The following CAPZA2 variants were observed in gnomAD, a reference collection of about 807,000 sequenced individuals.
The protein encoded by CAPZA2 is F-actin-capping protein subunit alpha-2.
CAPZA2 carries 13 observed loss-of-function variants against 44.0 expected under a neutral mutation model. The observed-to-expected ratio is 0.30, with a 90% CI of 0.19 to 0.47. The LOEUF is 0.47. CAPZA2 is among the 20% of genes least tolerant of loss of function. CAPZA2 has a pLI of 1.00. For missense variants in CAPZA2, 244 were observed against 338.6 expected, an observed-to-expected ratio of 0.72 and a Z score of 2.19; for synonymous variants, 94 against 108.2, an observed-to-expected ratio of 0.87 and a Z score of 0.81.
At chr7:116,882,635 A>G (rs930136698) in intron 1 of CAPZA2, among the ~76,000 whole-genome samples, 3 of 152,034 alleles carry the variant, frequency 2.0e-5, no homozygotes, top group African/African-American at 7.2e-5. Context: ...GAACACCCCA[A>G]TTTTATCTTC....
rs1423893441 is a variant in CAPZA2 at position 116,920,706 on chromosome 7, GA to G, written c.*2840del. On this transcript the variant is annotated 3_prime_UTR_variant, in exon 10 of 10. Transcript: ENST00000361183. ...AGTTAGATACAGGAGACAGGAACTA[GA>G]GGAAAGCTCTGGGCTAGAAGAATGG... The G allele has an allele frequency of 1.3e-5, 2 of 152,386 alleles. No homozygotes were observed. 9.4% of individuals were successfully genotyped at this position (152,386 alleles called of 1,614,324 possible).
At chr7:116,901,970 G>A (rs1331588647) in intron 4 of CAPZA2, among the ~76,000 whole-genome samples, 1 of 151,554 alleles carries the variant, frequency 6.6e-6, no homozygotes, top group Non-Finnish European at 1.5e-5. Context: ...CACAATGAGG[G>A]AGAATTGCCT....
chr7:116,911,108 C>T (rs1000500720), intron 7 of CAPZA2, among the ~76,000 whole-genome samples: 5 of 151,788 alleles, frequency 3.3e-5, no homozygotes, highest in African/African-American at 1.2e-4. Flanking sequence ...TTATTGTCAG[C>T]ATTATTCTTC....
At chr7:116,886,198 T>C (rs1562959139) in intron 1 of CAPZA2, 1 of 154,790 alleles carries the variant, frequency 6.5e-6, no homozygotes, top group Non-Finnish European at 1.5e-5. Flanking sequence ...GTTACTATTT[T>C]ATATGCACTT....
At chr7:116,885,761 C>G (rs934385912) in intron 1 of CAPZA2, among the ~76,000 whole-genome samples, 1 of 152,128 alleles carries the variant, frequency 6.6e-6, no homozygotes, top group Non-Finnish European at 1.5e-5. Flanking sequence ...GGATCAGAGC[C>G]TCCATGCTCT....
chr7:116,872,942 A>G (rs1796570799), intron 1 of CAPZA2, among the ~76,000 whole-genome samples: 1 of 152,160 alleles, frequency 6.6e-6, no homozygotes, highest in African/African-American at 2.4e-5. Flanking sequence ...TCTAAAACAT[A>G]GATTTCTAGG....
At chr7:116,890,349 A>T (rs1796814777) in intron 2 of CAPZA2, among the ~76,000 whole-genome samples, 1 of 151,102 alleles carries the variant, frequency 6.6e-6, no homozygotes, top group Admixed American at 6.6e-5. Context: ...GATTTATCTA[A>T]TAAATTTTAA....
chr7:116,880,076 G>A (rs765078888), intron 1 of CAPZA2: 31 of 469,512 alleles, frequency 6.6e-5, no homozygotes, highest in Non-Finnish European at 1.1e-4. Flanking sequence ...GACTAAGTCA[G>A]TGCTACACTT....
In CAPZA2 at chr7:116,919,862, C is replaced by CT. The variant is rs1791741294; in HGVS notation, c.*1996dup. The CT allele has an allele frequency of 6.7e-6, 1 of 148,640 alleles. No homozygotes were observed. The highest frequency in any genetic ancestry group is 2.5e-5 in the African/African-American group (1 of 40,470). 9.2% of individuals were successfully genotyped at this position (148,640 alleles called of 1,614,324 possible). A position where few individuals can be genotyped will look rare whatever the true frequency, so the allele number is the denominator to read the frequency against. Reference sequence around the variant, plus strand: ...CCTGGGTGACAGAGCAAGACTCTGTCTCAAAAAATAATAATAATAATAATA... The same window carrying CT: ...CCTGGGTGACAGAGCAAGACTCTGTCTTCAAAAAATAATAATAATAATAATA... On this transcript the variant is annotated 3_prime_UTR_variant, in exon 10 of 10. Transcript: ENST00000361183.
intron 6 of CAPZA2, 200 bp downstream of exon 6, chr7:116,906,542 C>T (rs1791515472): frequency 1.1e-6 from 1 of 889,970 alleles, no homozygotes; most frequent in East Asian, 3.1e-5. Context: ...AATCTGTTGA[C>T]ATTCAGTGGA....
At position 116,904,969 on chromosome 7, in the gene CAPZA2, T is replaced by TA. The variant is rs371485695; in HGVS notation, c.426+606dup. Among the ~76,000 whole-genome samples, 782 of 95,548 alleles carry TA rather than the reference T, an allele frequency of 8.2e-3. 15 individuals are homozygous for TA. The highest frequency in any genetic ancestry group is 0.042 in the East Asian group (127 of 3,000). The allele number at this position is 95,548 out of a possible 152,430, so 62.7% of individuals were successfully genotyped here. A position where few individuals can be genotyped will look rare whatever the true frequency, so the allele number is the denominator to read the frequency against. ...AGCATGGTGAAACCCTGTCTCTACT[T>TA]AAAAAAAAAAAAAAAAAAAACAATT... On this transcript the variant is annotated intron_variant, in intron 5 of 9. Transcript: ENST00000361183.
chr7:116,906,526 G>T (rs965908474), intron 6 of CAPZA2, 184 bp downstream of exon 6: 6 of 1,013,788 alleles, frequency 5.9e-6, no homozygotes, highest in Middle Eastern at 6.7e-4. Flanking sequence ...ACTAAAGGTA[G>T]TGGTAAATCT....
chr7:116,893,044 C>T lies in CAPZA2; in HGVS notation c.154C>T (p.His52Tyr). 6 of 1,589,736 alleles carry T rather than the reference C, an allele frequency of 3.8e-6. No homozygotes were observed. Among genetic ancestry groups the T allele is most frequent in the Non-Finnish European group, 5.2e-6 (6 of 1,162,998 alleles). ...CAATCTTCTCAGGGAAGGAGCAGCC[C>T]AGTAAGTATTATTTATCATACTAAC... is the stretch of plus-strand genomic sequence containing the variant. ...NDNLLREGAA[H>Y]AFAQYNLDQF... The change falls in exon 3 of 10, where the codon CAT becomes TAT. Residue 52 changes from histidine (H) to tyrosine (Y), a missense_variant and splice_region_variant. By Grantham distance (83) the His-to-Tyr change is moderately conservative. Coordinates refer to ENST00000361183, the MANE Select transcript of CAPZA2 (RefSeq NM_006136.3).
intron 5 of CAPZA2, 121 bp from the exon 6 acceptor site, chr7:116,906,142 A>G (rs1338957583): frequency 2.1e-6 from 3 of 1,405,194 alleles, no homozygotes; most frequent in African/African-American, 3.0e-5. Context: ...ATGATGGCCT[A>G]CTTTGTATTT....
chr7:116,885,717 A>G (rs1381198790), intron 1 of CAPZA2, among the ~76,000 whole-genome samples: 1 of 152,172 alleles, frequency 6.6e-6, no homozygotes, highest in Non-Finnish European at 1.5e-5. Context: ...AAGGATACAG[A>G]TGAAGAGATG....
intron 8 of CAPZA2, among the ~76,000 whole-genome samples, chr7:116,915,198 G>A (rs2115985399): frequency 6.6e-6 from 1 of 152,098 alleles, no homozygotes; most frequent in South Asian, 2.1e-4. Context: ...AGCTATTTGG[G>A]TGGCTGAGGC....
chr7:116,877,539 G>T (rs1057242448), intron 1 of CAPZA2, among the ~76,000 whole-genome samples: 1 of 152,200 alleles, frequency 6.6e-6, no homozygotes, highest in Admixed American at 6.5e-5. Flanking sequence ...GATTGCAAAG[G>T]TAGTAATAGC....
At chr7:116,906,197 G>T in intron 5 of CAPZA2, 66 bp from the exon 6 acceptor site, 1 of 1,571,146 alleles carries the variant, frequency 6.4e-7, no homozygotes, top group Non-Finnish European at 8.6e-7. Flanking sequence ...GTATTTTATA[G>T]ATTTTTAAAG....
intron 1 of CAPZA2, among the ~76,000 whole-genome samples, chr7:116,863,228 C>T (rs1796441078): frequency 6.6e-6 from 1 of 152,194 alleles, no homozygotes; most frequent in Admixed American, 6.5e-5. Context: ...TCCCTTTCCC[C>T]ATGGAGGCAT....
Sources: allele counts gnomAD v4.1 joint callset (sites outside exome capture counted in the v4.1 genomes callset), GRCh38; gene constraint gnomAD v4.1.1; transcripts MANE v1.5; gene names NCBI Gene and HGNC (gene_info 2026-07-23, HGNC 2026-07-21).